The following PRIM2 variants were observed in gnomAD, a reference collection of about 807,000 sequenced individuals.
PRIM2 encodes DNA primase large subunit.
A neutral mutation model predicts 67.3 loss-of-function variants in PRIM2; 39 were observed. The observed-to-expected ratio is 0.58, with a 90% CI of 0.45 to 0.76. The LOEUF (loss-of-function observed/expected upper bound fraction) is 0.76, where lower values mean the gene tolerates loss of function less well. Ranked by LOEUF, PRIM2 falls within the 30% of genes least tolerant of loss-of-function variation. The probability of loss-of-function intolerance (pLI) is 0.00; values close to 1 mark genes in which losing one functional copy is unlikely to be tolerated. For missense variants in PRIM2, 398 were observed against 598.7 expected, an observed-to-expected ratio of 0.66 and a Z score of 3.50; for synonymous variants, 143 against 198.7, an observed-to-expected ratio of 0.72 and a Z score of 2.36.
At chr6:57,255,781 G>A in the PRIM2 span, among the ~76,000 whole-genome samples, 302 of 152,188 alleles carry the variant, frequency 2.0e-3, no homozygotes, top group Non-Finnish European at 1.7e-3. Flanking sequence ...AGGCTATTAT[G>A]GCAGATACAA....
intron 10 of PRIM2, among the ~76,000 whole-genome samples, chr6:57,554,926 G>A (rs1249390765): frequency 1.3e-5 from 2 of 152,190 alleles, no homozygotes; most frequent in African/African-American, 4.8e-5. Context: ...GTATAGATAG[G>A]CTTGTCCTTA....
chr6:57,371,154 C>G (rs1432029923), intron 5 of PRIM2, among the ~76,000 whole-genome samples: 2 of 121,692 alleles, frequency 1.6e-5, no homozygotes, highest in Non-Finnish European at 3.4e-5. Flanking sequence ...AAAATTATAT[C>G]TTGTATATTT....
chr6:57,446,418 C>CTTTTTTTTT lies in PRIM2; in HGVS notation c.694-60962_694-60954dup, dbSNP rs397958660. 3.3e-3 allele frequency among the ~76,000 whole-genome samples: 273 copies of CTTTTTTTTT among 83,784 alleles called. 37 individuals are homozygous for CTTTTTTTTT. The highest frequency in any genetic ancestry group is 0.011 in the African/African-American group (231 of 20,584). The allele number at this position is 83,784 out of a possible 152,430, so 55.0% of individuals were successfully genotyped here. On this transcript the variant is annotated intron_variant, in intron 7 of 13. Coordinates refer to ENST00000615550, the MANE Select transcript of PRIM2 (RefSeq NM_000947.5). ...GGCATAGGCCTGGCACACGCCACTT[C>CTTTTTTTTT]TTTTTTTTTTTTTTTGAGACAGTCT...
At chr6:57,249,372 T>G in the PRIM2 span, among the ~76,000 whole-genome samples, 24 of 152,296 alleles carry the variant, frequency 1.6e-4, no homozygotes, top group Non-Finnish European at 3.2e-4. Flanking sequence ...AGGGTAAGAA[T>G]AGCATAGAAC....
At chr6:57,424,628 G>A (rs1290823450) in intron 7 of PRIM2, among the ~76,000 whole-genome samples, 1 of 152,128 alleles carries the variant, frequency 6.6e-6, no homozygotes, top group Non-Finnish European at 1.5e-5. Context: ...TTAAATCAAA[G>A]CAATGCCTTA....
intron 7 of PRIM2, among the ~76,000 whole-genome samples, chr6:57,470,402 TCTCCCCTCTCCCCCTCTCCCCTCTCC>T (rs1773308371): frequency 1.9e-4 from 15 of 79,896 alleles, no homozygotes; most frequent in South Asian, 5.8e-4. Context: ...CCTCTCCCCC[TCTCCCCTCTCCCCCTCTCCCCTCTCC>T]CCCTCTCCCC....
At chr6:57,305,418 A>T in the PRIM2 span, among the ~76,000 whole-genome samples, 1 of 152,238 alleles carries the variant, frequency 6.6e-6, no homozygotes, top group African/African-American at 2.4e-5. Context: ...AGGGGTGCAG[A>T]AATGGGCAAG....
chr6:57,419,309 C>G (rs1771384659), intron 7 of PRIM2, among the ~76,000 whole-genome samples: 1 of 151,980 alleles, frequency 6.6e-6, no homozygotes, highest in East Asian at 1.9e-4. Context: ...TCCTAGAATT[C>G]AAAGGGTATG....
intron 7 of PRIM2, among the ~76,000 whole-genome samples, chr6:57,409,945 A>G (rs187399486): frequency 6.6e-6 from 1 of 152,252 alleles, no homozygotes; most frequent in East Asian, 1.9e-4. Flanking sequence ...ATTTAACTCT[A>G]TGACCCATGT....
intron 12 of PRIM2, among the ~76,000 whole-genome samples, chr6:57,623,158 T>C (rs1469974025): frequency 6.6e-6 from 1 of 152,188 alleles, no homozygotes; most frequent in Non-Finnish European, 1.5e-5. Flanking sequence ...CTTAGTGTTG[T>C]AGTTGAAAAT....
At chr6:57,557,430 T>C (rs1775537071) in intron 10 of PRIM2, among the ~76,000 whole-genome samples, 3 of 152,194 alleles carry the variant, frequency 2.0e-5, no homozygotes. Context: ...TGGAATACTC[T>C]TCAGCCATAA....
At chr6:57,632,800 G>A (rs1466627701) in intron 13 of PRIM2, among the ~76,000 whole-genome samples, 1 of 152,174 alleles carries the variant, frequency 6.6e-6, no homozygotes, top group East Asian at 1.9e-4. Flanking sequence ...GCTGCCACCT[G>A]ATGTTACTGT....
intron 5 of PRIM2, among the ~76,000 whole-genome samples, chr6:57,335,304 C>A (rs1242657707): frequency 2.0e-5 from 3 of 152,274 alleles, no homozygotes; most frequent in Non-Finnish European, 1.5e-5. Context: ...CGCCATTGCC[C>A]AGGCTTGCTT....
At chr6:57,627,722 G>A (rs1303154010) in intron 12 of PRIM2, among the ~76,000 whole-genome samples, 3 of 152,000 alleles carry the variant, frequency 2.0e-5, no homozygotes, top group Non-Finnish European at 2.9e-5. Flanking sequence ...GATTACTGAC[G>A]AACTAGATTA....
At position 57,569,997 on chromosome 6, in the gene PRIM2, C is replaced by T. The variant is rs1365669257; in HGVS notation, c.1021-31096C>T. Among the ~76,000 whole-genome samples the T allele has an allele frequency of 9.8e-5, 15 of 152,330 alleles. No individual in the cohort carries two copies. The South Asian group carries it at 3.1e-3, about 32-fold the overall frequency. ...GACCTCATGATCCGCCCGCCTTGGC[C>T]TCCCAAAGTGCTGGGATTACAGGTG... On this transcript the variant is annotated intron_variant, in intron 10 of 13. Coordinates refer to ENST00000615550, the MANE Select transcript of PRIM2 (RefSeq NM_000947.5).
intron 12 of PRIM2, among the ~76,000 whole-genome samples, chr6:57,614,914 C>A (rs1776728571): frequency 6.6e-6 from 1 of 151,934 alleles, no homozygotes; most frequent in Non-Finnish European, 1.5e-5. Context: ...TCATTAATTT[C>A]TTTTCAAAAT....
intron 7 of PRIM2, among the ~76,000 whole-genome samples, chr6:57,502,630 A>G (rs1432554985): frequency 2.0e-5 from 3 of 152,204 alleles, no homozygotes; most frequent in Non-Finnish European, 4.4e-5. Flanking sequence ...CCTGTTCAGC[A>G]TAAATTCCTA....
intron 10 of PRIM2, among the ~76,000 whole-genome samples, chr6:57,568,161 G>A (rs1261060395): frequency 6.6e-6 from 1 of 152,140 alleles, no homozygotes; most frequent in African/African-American, 2.4e-5. Context: ...AATTTGCCCA[G>A]TATTTGAAAA....
At chr6:57,295,849 T>A in the PRIM2 span, among the ~76,000 whole-genome samples, 1 of 152,062 alleles carries the variant, frequency 6.6e-6, no homozygotes, top group Non-Finnish European at 1.5e-5. Flanking sequence ...GCAAAAACCA[T>A]CCTTCCCAAC....
Sources: allele counts gnomAD v4.1 joint callset (sites outside exome capture counted in the v4.1 genomes callset), GRCh38; gene constraint gnomAD v4.1.1; transcripts MANE v1.5; gene names NCBI Gene and HGNC (gene_info 2026-07-23, HGNC 2026-07-21).